DACH2: variants seen among roughly 807,000 people sequenced by gnomAD.
DACH2 encodes dachshund homolog 2.
In DACH2, 17 loss-of-function variants were observed where a neutral mutation model predicts 35.8. The ratio of observed to expected loss-of-function variants is 0.48; its 90% CI spans 0.33 to 0.71. DACH2 has a LOEUF of 0.71. Ranked by LOEUF, DACH2 falls within the 30% of genes least tolerant of loss-of-function variation. DACH2 has a pLI of 0.02. For missense variants in DACH2, 469 were observed against 472.7 expected, an observed-to-expected ratio of 0.99 and a Z score of 0.07; for synonymous variants, 195 against 177.3, an observed-to-expected ratio of 1.10 and a Z score of -0.79.
chrX:86,698,505 G>A (rs374093789), intron 5 of DACH2, among the ~76,000 whole-genome samples: 4 of 29,389 alleles, frequency 1.4e-4, no homozygotes, highest in African/African-American at 5.3e-4. Context: ...TCTTCTTTTT[G>A]TTTTGTTAGT....
intron 2 of DACH2, among the ~76,000 whole-genome samples, chrX:86,455,499 C>T (rs986313945): frequency 2.7e-5 from 3 of 111,982 alleles, no homozygotes; most frequent in Admixed American, 9.4e-5. Flanking sequence ...GAAGCCCCCT[C>T]AGAGGGTCCC....
At chrX:86,698,635 C>T (rs771875992) in intron 5 of DACH2, among the ~76,000 whole-genome samples, 87 of 99,826 alleles carry the variant, frequency 8.7e-4, no homozygotes, top group Non-Finnish European at 1.6e-3. Flanking sequence ...TCAGGTGAGC[C>T]TCTCAACTAA....
intron 2 of DACH2, among the ~76,000 whole-genome samples, chrX:86,444,595 G>C (rs1193211820): frequency 9.0e-6 from 1 of 111,553 alleles, no homozygotes. Flanking sequence ...GTTCACAATA[G>C]TTATTTTATA....
intron 2 of DACH2, chrX:86,513,036 A>G (rs1423337343): frequency 4.0e-6 from 1 of 251,506 alleles, no homozygotes; most frequent in African/African-American, 2.8e-5. Context: ...TAACACTAGC[A>G]CAGTGTATGA....
chrX:86,478,620 C>T (rs753273240), intron 2 of DACH2, among the ~76,000 whole-genome samples: 1 of 94,488 alleles, frequency 1.1e-5, no homozygotes, highest in South Asian at 5.1e-4. Flanking sequence ...TATCATTGAT[C>T]TTTGGGTTGT....
At chrX:86,397,277 A>T (rs1378981152) in intron 2 of DACH2, among the ~76,000 whole-genome samples, 1 of 111,688 alleles carries the variant, frequency 9.0e-6, no homozygotes, top group African/African-American at 3.3e-5. Flanking sequence ...TTATCAGCTT[A>T]AGGAGATTTT....
intron 1 of DACH2, among the ~76,000 whole-genome samples, chrX:86,153,862 G>A (rs960516428): frequency 2.7e-5 from 3 of 111,509 alleles, no homozygotes; most frequent in Non-Finnish European, 5.7e-5. Context: ...GTATTCATAT[G>A]TGCCTCACTC....
At chrX:86,715,126 G>T (rs1260733775) in intron 6 of DACH2, among the ~76,000 whole-genome samples, 2 of 111,061 alleles carry the variant, frequency 1.8e-5, no homozygotes, top group Non-Finnish European at 3.8e-5. Context: ...GACAGATTTG[G>T]GTTCCAATTC....
chrX:86,745,936 GTGTGAGA>G (rs755335018), intron 7 of DACH2, among the ~76,000 whole-genome samples: 3 of 111,043 alleles, frequency 2.7e-5, no homozygotes, highest in South Asian at 3.8e-4. Context: ...ATTCTGATTG[GTGTGAGA>G]TGGTATCTCA....
intron 1 of DACH2, among the ~76,000 whole-genome samples, chrX:86,151,152 C>G (rs1034531792): frequency 9.0e-5 from 10 of 110,623 alleles, no homozygotes; most frequent in African/African-American, 3.3e-4. Context: ...AAAAAAAAAT[C>G]CAGAGGCAGG....
intron 2 of DACH2, among the ~76,000 whole-genome samples, chrX:86,459,762 TAAGTA>T (rs1283115501): frequency 1.8e-5 from 2 of 111,522 alleles, no homozygotes; most frequent in African/African-American, 6.5e-5. Context: ...CTGTTGCTAT[TAAGTA>T]GAGTGTTTAG....
At chrX:86,667,538 A>AAAG (rs1569463626) in intron 4 of DACH2, among the ~76,000 whole-genome samples, 110 of 50,351 alleles carry the variant, frequency 2.2e-3, no homozygotes, top group South Asian at 3.4e-3. Flanking sequence ...AGAAAGAAAG[A>AAAG]AAGAAAGAAG....
At chrX:86,296,223 C>CA (rs769520782) in intron 1 of DACH2, among the ~76,000 whole-genome samples, 9 of 102,639 alleles carry the variant, frequency 8.8e-5, no homozygotes, top group South Asian at 4.8e-4. Flanking sequence ...ACTAAAAATA[C>CA]AAAAAAAATT....
chrX:86,438,229 T>G (rs1163630710), intron 2 of DACH2, among the ~76,000 whole-genome samples: 4 of 103,314 alleles, frequency 3.9e-5, no homozygotes, highest in African/African-American at 1.4e-4. Flanking sequence ...GTTTTTTTTT[T>G]TTTTTTTTTT....
At chrX:86,813,735 G>T (rs1437171191) in intron 9 of DACH2, among the ~76,000 whole-genome samples, 2 of 110,074 alleles carry the variant, frequency 1.8e-5, no homozygotes, top group East Asian at 2.8e-4. Context: ...ATGGTCCTTC[G>T]GCTTTGAAAC....
At chrX:86,810,189 C>A (rs1280411002) in intron 7 of DACH2, among the ~76,000 whole-genome samples, 1 of 111,493 alleles carries the variant, frequency 9.0e-6, no homozygotes, top group Non-Finnish European at 1.9e-5. Flanking sequence ...GCATTTTTTT[C>A]ATCTTCAAAT....
At chrX:86,498,592 T>C (rs1407691548) in intron 2 of DACH2, among the ~76,000 whole-genome samples, 1 of 112,535 alleles carries the variant, frequency 8.9e-6, no homozygotes, top group Non-Finnish European at 1.9e-5. Context: ...TCAGAATTGT[T>C]CTTGCTTAGG....
chrX:86,536,985 T>C (rs2038810976), intron 3 of DACH2, among the ~76,000 whole-genome samples: 1 of 111,680 alleles, frequency 9.0e-6, no homozygotes, highest in East Asian at 2.8e-4. Flanking sequence ...CTGCTGGGCA[T>C]TGTTTTAGTG....
At chrX:86,609,583 C>A (rs905271905) in intron 3 of DACH2, among the ~76,000 whole-genome samples, 4 of 111,593 alleles carry the variant, frequency 3.6e-5, no homozygotes, top group African/African-American at 1.3e-4. Flanking sequence ...ATGGTTTGGT[C>A]TTGTTTGTAC....
Sources: gnomAD v4.1 joint callset for allele counts (sites outside exome capture counted in the v4.1 genomes callset) on GRCh38, gnomAD v4.1.1 for gene constraint, MANE v1.5 for transcripts, NCBI Gene and HGNC (gene_info 2026-07-23, HGNC 2026-07-21) for gene names.